Variants in NAA11 observed in about 807,000 individuals in gnomAD.
The protein encoded by NAA11 is N-alpha-acetyltransferase 11, NatA catalytic subunit.
A neutral mutation model predicts 16.1 loss-of-function variants in NAA11; 15 were observed. The ratio of observed to expected loss-of-function variants is 0.93; its 90% confidence interval spans 0.62 to 1.44. The LOEUF (loss-of-function observed/expected upper bound fraction) is 1.44, where lower values mean the gene tolerates loss of function less well. NAA11 is among the 40% of genes most tolerant of loss of function. The pLI, the probability that NAA11 is intolerant of heterozygous loss-of-function variation, is 0.00. For synonymous variants in NAA11, 122 were observed against 112.4 expected, an observed-to-expected ratio of 1.09 and a Z score of -0.54; for missense variants, 298 against 291.3, an observed-to-expected ratio of 1.02 and a Z score of -0.17.
intron 1 of NAA11, 65 bp downstream of exon 1, chr4:79,325,111 G>C: frequency 7.3e-7 from 1 of 1,375,796 alleles, no homozygotes; most frequent in Non-Finnish European, 9.8e-7. Context: ...GATGGAATTG[G>C]GCAGGCCAAG....
At chr4:79,224,599 A>G (rs1349821802), downstream of NAA11, among the ~76,000 whole-genome samples, 1 of 152,094 alleles carries the variant, frequency 6.6e-6, no homozygotes, top group Non-Finnish European at 1.5e-5. Context: ...AGGAACAGAG[A>G]TCAGAGGGGT....
intron 2 of NAA11, among the ~76,000 whole-genome samples, chr4:79,251,961 A>G (rs947356133): frequency 6.6e-6 from 1 of 152,088 alleles, no homozygotes; most frequent in Non-Finnish European, 1.5e-5. Flanking sequence ...TCAACAGATG[A>G]TTGGATGAAG....
chr4:79,204,988 A>G, the NAA11 span, among the ~76,000 whole-genome samples: 1 of 150,806 alleles, frequency 6.6e-6, no homozygotes, highest in Non-Finnish European at 1.5e-5. Context: ...GTGTATATGT[A>G]TATAAAGAAA....
chr4:79,323,414 C>T (rs528294259), intron 1 of NAA11, among the ~76,000 whole-genome samples: 2 of 152,306 alleles, frequency 1.3e-5, no homozygotes, highest in South Asian at 2.1e-4. Context: ...GAGCTGGGCG[C>T]GGTGGCTCAC....
downstream of NAA11, among the ~76,000 whole-genome samples, chr4:79,224,905 T>C (rs974067880): frequency 1.3e-5 from 2 of 152,064 alleles, no homozygotes; most frequent in African/African-American, 4.8e-5. Flanking sequence ...AACTGAAAGA[T>C]GGTTTACAAA....
chr4:79,157,773 G>T, the NAA11 span, among the ~76,000 whole-genome samples: 4 of 151,872 alleles, frequency 2.6e-5, no homozygotes, highest in Non-Finnish European at 5.9e-5. Flanking sequence ...AGACAAGGAT[G>T]GCCACTCTCA....
chr4:79,301,683 G>A (rs1352740593), intron 1 of NAA11, among the ~76,000 whole-genome samples: 4 of 152,164 alleles, frequency 2.6e-5, no homozygotes, highest in Non-Finnish European at 5.9e-5. Flanking sequence ...AAAAGCAGAA[G>A]AGCTCCAGCA....
the NAA11 span, among the ~76,000 whole-genome samples, chr4:79,184,652 G>C: frequency 6.6e-6 from 1 of 152,180 alleles, no homozygotes; most frequent in Non-Finnish European, 1.5e-5. Context: ...GAGTCTGGGG[G>C]AGCAGAGTGG....
At chr4:79,213,246 G>T in the NAA11 span, among the ~76,000 whole-genome samples, 7 of 152,250 alleles carry the variant, frequency 4.6e-5, 1 homozygote, top group African/African-American at 1.7e-4. Flanking sequence ...CAGGGGTTCA[G>T]TTATTTTGCT....
chr4:79,291,479 AAG>A (rs1723083444), intron 2 of NAA11, among the ~76,000 whole-genome samples: 2 of 152,010 alleles, frequency 1.3e-5, no homozygotes, highest in Admixed American at 6.6e-5. Flanking sequence ...AAAAATAAAA[AAG>A]AATTGGGCCG....
At chr4:79,256,306 G>A (rs1157364638) in intron 2 of NAA11, among the ~76,000 whole-genome samples, 3 of 151,822 alleles carry the variant, frequency 2.0e-5, no homozygotes, top group Non-Finnish European at 4.4e-5. Flanking sequence ...AATTTCTCCT[G>A]TATGAAAAAA....
the NAA11 span, among the ~76,000 whole-genome samples, chr4:79,155,635 T>C: frequency 6.6e-6 from 1 of 152,196 alleles, no homozygotes; most frequent in Non-Finnish European, 1.5e-5. Flanking sequence ...ACAAATGAGC[T>C]GTGAAATGGC....
chr4:79,156,253 T>C, the NAA11 span, among the ~76,000 whole-genome samples: 1,188 of 152,194 alleles, frequency 7.8e-3, 20 homozygotes, highest in African/African-American at 0.027. Context: ...AAAAACCTTA[T>C]AGCTTTACAG....
chr4:79,159,259 C>G, the NAA11 span, among the ~76,000 whole-genome samples: 1 of 152,110 alleles, frequency 6.6e-6, no homozygotes, highest in South Asian at 2.1e-4. Flanking sequence ...ACAATCACAT[C>G]AAAAAGTGGG....
intron 1 of NAA11, among the ~76,000 whole-genome samples, chr4:79,324,606 TTTC>T (rs1212126914): frequency 3.9e-5 from 6 of 152,332 alleles, no homozygotes; most frequent in Non-Finnish European, 7.4e-5. Flanking sequence ...ATCTCATAAT[TTTC>T]TTTTGGAAAG....
the NAA11 span, among the ~76,000 whole-genome samples, chr4:79,158,103 A>G: frequency 6.6e-6 from 1 of 151,946 alleles, no homozygotes; most frequent in African/African-American, 2.4e-5. Context: ...GGGTTTCACC[A>G]TGTTAGCCAG....
chr4:79,170,779 A>T, the NAA11 span, among the ~76,000 whole-genome samples: 13 of 151,502 alleles, frequency 8.6e-5, no homozygotes, highest in Non-Finnish European at 5.9e-5. Flanking sequence ...ATATTTTTAC[A>T]TCTGTGATCT....
At chr4:79,265,250 C>T (rs1450613095) in intron 2 of NAA11, among the ~76,000 whole-genome samples, 5 of 152,182 alleles carry the variant, frequency 3.3e-5, no homozygotes, top group Admixed American at 1.3e-4. Context: ...CCTGCTCCAA[C>T]TCACCCTCAT....
chr4:79,261,532 C>T lies in NAA11; in HGVS notation c.*122+32473G>A, dbSNP rs573515899. ...TTGGGAGAAGAGGCAGGGGTAGGAT[C>T]GGAACACAGTGTACCTGTACCCTGG... On this transcript the variant is annotated intron_variant and NMD_transcript_variant, in intron 2 of 2. Coordinates refer to the NAA11 transcript ENST00000511542. Among the ~76,000 whole-genome samples, 10 of 152,178 alleles carry T rather than the reference C, an allele frequency of 6.6e-5. No individual in the cohort carries two copies. In the East Asian group the frequency reaches 7.7e-4, roughly 12 times the overall value.
Sources: allele counts gnomAD v4.1 joint callset (sites outside exome capture counted in the v4.1 genomes callset), GRCh38; gene constraint gnomAD v4.1.1; transcripts MANE v1.5; gene names NCBI Gene and HGNC (gene_info 2026-07-23, HGNC 2026-07-21).